The following EYA2 variants were observed in gnomAD, a reference collection of about 807,000 sequenced individuals.
The protein encoded by EYA2 is protein phosphatase EYA2.
In EYA2, 31 loss-of-function variants were observed where a neutral mutation model predicts 69.2. The ratio of observed to expected loss-of-function variants is 0.45; its 90% confidence interval spans 0.34 to 0.60. The LOEUF (loss-of-function observed/expected upper bound fraction) is 0.60, where lower values mean the gene tolerates loss of function less well. Among genes scored for constraint, EYA2 ranks in the 20% least tolerant of loss-of-function variants. The probability of loss-of-function intolerance (pLI) is 0.02; values close to 1 mark genes in which losing one functional copy is unlikely to be tolerated. For synonymous variants in EYA2, 257 were observed against 279.4 expected (o/e 0.92, Z 0.80); for missense variants, 622 against 701.2 (o/e 0.89, Z 1.28).
At chr20:47,136,849 T>A (rs1490134041) in intron 9 of EYA2, among the ~76,000 whole-genome samples, 2 of 151,854 alleles carry the variant, frequency 1.3e-5, no homozygotes, top group African/African-American at 4.8e-5. Context: ...ACTCGAAACC[T>A]CTTCACCAGC....
chr20:47,173,112 C>T (rs563865515), intron 12 of EYA2, among the ~76,000 whole-genome samples: 2 of 152,148 alleles, frequency 1.3e-5, no homozygotes, highest in South Asian at 2.1e-4. Flanking sequence ...ACAAATGGCG[C>T]GGGGTGGACG....
intron 1 of EYA2, among the ~76,000 whole-genome samples, chr20:46,944,573 A>AGGG (rs33977530): frequency 6.6e-6 from 1 of 151,740 alleles, no homozygotes; most frequent in African/African-American, 2.4e-5. Context: ...CTCCAAAATG[A>AGGG]GAAAAACAGC....
Position 46,942,232 on chromosome 20 carries a change from A to G in EYA2, c.-11+47245A>G, listed in dbSNP as rs138248076. Among the ~76,000 whole-genome samples, 304 of 151,628 alleles carry G rather than the reference A, an allele frequency of 2.0e-3. 1 individual carries two copies. The highest frequency in any genetic ancestry group is 3.6e-3 in the Non-Finnish European group (244 of 67,904). ...ATTTTTTACTTTTTTTCTTTAGACA[A>G]AGTCTCACTCTGTCACCCAGGCTGG... On this transcript the variant is annotated intron_variant, in intron 1 of 15. Transcript: ENST00000327619.
chr20:47,042,721 T>C (rs1050737905), intron 5 of EYA2, among the ~76,000 whole-genome samples: 2 of 152,182 alleles, frequency 1.3e-5, no homozygotes, highest in African/African-American at 4.8e-5. Context: ...CCTGCTATAC[T>C]TGGACTTAGC....
At position 47,001,808 on chromosome 20, in the gene EYA2, T is replaced by C. The variant is rs1172850701; in HGVS notation, c.155+335T>C. Among the ~76,000 whole-genome samples the C allele has an allele frequency of 2.6e-5, 4 of 152,176 alleles. No individual in the cohort carries two copies. The East Asian group carries it at 7.7e-4, about 29-fold the overall frequency. On this transcript the variant is annotated intron_variant, in intron 3 of 15. Coordinates refer to ENST00000327619, the MANE Select transcript of EYA2 (RefSeq NM_005244.5). ...CATTCTTTTTTTTTTTTTTATTCTT[T>C]TCTTTCTCCCCTTCCTCTGCTTTCC...
intron 5 of EYA2, among the ~76,000 whole-genome samples, chr20:47,034,076 T>C (rs1351635985): frequency 6.6e-6 from 1 of 152,262 alleles, no homozygotes; most frequent in Non-Finnish European, 1.5e-5. Context: ...ATCTTCAATG[T>C]GTCTCTAATC....
At chr20:47,140,338 G>A (rs2033568286) in intron 9 of EYA2, among the ~76,000 whole-genome samples, 2 of 152,098 alleles carry the variant, frequency 1.3e-5, no homozygotes, top group African/African-American at 4.8e-5. Flanking sequence ...TTGGCTCTCG[G>A]GGCCTTGATG....
At chr20:47,015,329 G>C (rs575376062) in intron 4 of EYA2, among the ~76,000 whole-genome samples, 6 of 152,348 alleles carry the variant, frequency 3.9e-5, no homozygotes, top group African/African-American at 1.2e-4. Flanking sequence ...TTCTCAGCCA[G>C]TTGTTCATGG....
intron 9 of EYA2, among the ~76,000 whole-genome samples, chr20:47,102,902 A>T (rs886624127): frequency 6.6e-6 from 1 of 152,114 alleles, no homozygotes; most frequent in Non-Finnish European, 1.5e-5. Flanking sequence ...TCCAGCTGGT[A>T]TTAGGCAAAT....
chr20:46,897,540 TTCTC>T (rs1446306431), intron 1 of EYA2, among the ~76,000 whole-genome samples: 1 of 152,238 alleles, frequency 6.6e-6, no homozygotes, highest in Non-Finnish European at 1.5e-5. Flanking sequence ...CGAGGACTCA[TTCTC>T]TCTCCTTCCA....
At chr20:47,156,145 T>C (rs779714039) in intron 10 of EYA2, among the ~76,000 whole-genome samples, 625 of 19,130 alleles carry the variant, frequency 0.033, 4 homozygotes, top group African/African-American at 0.046. Flanking sequence ...TATATATATA[T>C]ATATATATAT....
chr20:47,156,125 CACATATATATATATATATATATATAT>C (rs1255843441), intron 10 of EYA2, among the ~76,000 whole-genome samples: 22 of 22,124 alleles, frequency 9.9e-4, no homozygotes, highest in African/African-American at 3.3e-3. Context: ...CACACACACA[CACATATATATATATATATATATATAT>C]ATATATATAT....
At chr20:46,929,267 C>A (rs1325895094) in intron 1 of EYA2, among the ~76,000 whole-genome samples, 1 of 151,818 alleles carries the variant, frequency 6.6e-6, no homozygotes, top group Non-Finnish European at 1.5e-5. Context: ...CTGCTATAGT[C>A]CTGTGGAAGC....
intron 5 of EYA2, among the ~76,000 whole-genome samples, chr20:47,029,142 T>A (rs1462262931): frequency 6.6e-6 from 1 of 152,198 alleles, no homozygotes; most frequent in African/African-American, 2.4e-5. Flanking sequence ...GGCAGGGGAC[T>A]CTGAGCTCAG....
intron 15 of EYA2, among the ~76,000 whole-genome samples, chr20:47,184,247 G>C (rs1032337566): frequency 4.6e-5 from 7 of 152,116 alleles, no homozygotes; most frequent in African/African-American, 1.7e-4. Context: ...AAGTGATATT[G>C]AGGGGCAGCT....
chr20:47,083,770 A>C (rs1490583868), intron 7 of EYA2, among the ~76,000 whole-genome samples: 1 of 152,240 alleles, frequency 6.6e-6, no homozygotes, highest in African/African-American at 2.4e-5. Context: ...AATATGATCC[A>C]AAAAGAAAAA....
chr20:46,999,726 G>C (rs6018221), intron 2 of EYA2, among the ~76,000 whole-genome samples: 3,723 of 152,294 alleles, frequency 0.024, 155 homozygotes, highest in African/African-American at 0.083. Context: ...GCTCAGCCAG[G>C]GGGAGGGCAT....
chr20:46,930,668 C>CT (rs1455491876), intron 1 of EYA2, among the ~76,000 whole-genome samples: 1 of 152,084 alleles, frequency 6.6e-6, no homozygotes, highest in African/African-American at 2.4e-5. Context: ...TTGTCATAAA[C>CT]TAAAAAAAGG....
intron 1 of EYA2, among the ~76,000 whole-genome samples, chr20:46,900,178 A>G (rs1312997355): frequency 1.3e-5 from 2 of 152,316 alleles, no homozygotes; most frequent in Non-Finnish European, 2.9e-5. Flanking sequence ...ACTTGCAGTC[A>G]TTCAGAGGAG....
Sources: allele counts gnomAD v4.1 joint callset (sites outside exome capture counted in the v4.1 genomes callset), GRCh38; gene constraint gnomAD v4.1.1; transcripts MANE v1.5; gene names NCBI Gene and HGNC (gene_info 2026-07-23, HGNC 2026-07-21).